SRGAP2B: variants seen among roughly 807,000 people sequenced by gnomAD.
SRGAP2B encodes SLIT-ROBO Rho GTPase-activating protein 2B.
In SRGAP2B, 9 loss-of-function variants were observed where a neutral mutation model predicts 22.2. That is an observed-to-expected ratio of 0.41 (90% CI 0.24 to 0.71). The LOEUF (loss-of-function observed/expected upper bound fraction) is 0.71. Among genes scored for constraint, SRGAP2B ranks in the 30% least tolerant of loss-of-function variants. The pLI, the probability that SRGAP2B is intolerant of heterozygous loss-of-function variation, is 0.35. For missense variants in SRGAP2B, 114 were observed against 235.8 expected, an observed-to-expected ratio of 0.48 and a Z score of 3.38; for synonymous variants, 36 against 87.4, an observed-to-expected ratio of 0.41 and a Z score of 3.28.
At chr1:144,906,171 T>C in intron 5 of SRGAP2B, 97 bp from the exon 6 acceptor site, 1 of 667,256 alleles carries the variant, frequency 1.5e-6, no homozygotes. Context: ...CTCTCCCCCA[T>C]GAAGCAATAT....
intron 2 of SRGAP2B, among the ~76,000 whole-genome samples, chr1:145,006,725 A>G (rs1453478560): frequency 2.7e-5 from 4 of 150,924 alleles, no homozygotes; most frequent in Admixed American, 6.6e-5. Flanking sequence ...TGTCCCCACA[A>G]AAGTTATAGG....
At chr1:144,889,036 C>T (rs1328978965) in exon 10 of SRGAP2B, 3 of 143,264 alleles carry the variant, frequency 2.1e-5, no homozygotes, top group Non-Finnish European at 4.5e-5. Flanking sequence ...CTCACTACAA[C>T]CTATGCCTCC....
chr1:144,966,466 T>G (rs1378574670), intron 3 of SRGAP2B, among the ~76,000 whole-genome samples: 2 of 147,352 alleles, frequency 1.4e-5, no homozygotes, highest in Non-Finnish European at 2.9e-5. Context: ...CCACCAGGCC[T>G]GCCCTAAAAG....
chr1:145,063,065 C>T lies in SRGAP2B; in HGVS notation c.67+29770G>A, dbSNP rs1358505771. Among the ~76,000 whole-genome samples, 16 of 149,310 alleles carry T rather than the reference C, an allele frequency of 1.1e-4. 2 individuals are homozygous for T. The highest frequency in any genetic ancestry group is 4.1e-4 in the African/African-American group (16 of 39,484). On this transcript the variant is annotated intron_variant, in intron 2 of 9. Coordinates refer to ENST00000612199, the Ensembl canonical transcript of SRGAP2B. ...CCCCTGAAAATTAAATTGATTCTTA[C>T]AGAATGGTACCCAAATGTGTGATTT... is the stretch of plus-strand genomic sequence containing the variant.
chr1:144,941,254 T>TA (rs1301015893), intron 4 of SRGAP2B, among the ~76,000 whole-genome samples: 16 of 142,922 alleles, frequency 1.1e-4, no homozygotes, highest in African/African-American at 3.8e-4. Flanking sequence ...AAAACTGAAA[T>TA]AAAAAATAGA....
intron 3 of SRGAP2B, among the ~76,000 whole-genome samples, chr1:144,973,344 GT>G (rs1187302983): frequency 1.6e-5 from 2 of 128,530 alleles, no homozygotes; most frequent in Non-Finnish European, 3.2e-5. Context: ...TTTGAGAATC[GT>G]TTTTTTCTTT....
chr1:144,939,718 T>C (rs1416497533), intron 4 of SRGAP2B, among the ~76,000 whole-genome samples: 3 of 149,186 alleles, frequency 2.0e-5, no homozygotes, highest in Admixed American at 6.7e-5. Context: ...CCCTGAAAGC[T>C]CAGGTAGACT....
At position 145,061,993 on chromosome 1, in the gene SRGAP2B, C is replaced by A. The variant is rs199490479; in HGVS notation, c.67+30842G>T. Among the ~76,000 whole-genome samples the A allele has an allele frequency of 9.9e-5, 11 of 111,028 alleles. No homozygotes were observed. In the East Asian group the frequency reaches 1.0e-3, roughly 11 times the overall value. 72.8% of individuals were successfully genotyped at this position (111,028 alleles called of 152,430 possible). A position where few individuals can be genotyped will look rare whatever the true frequency, so the allele number is the denominator to read the frequency against. ...TTAAAATAAATAAAATGCTTGAGAA[C>A]AGTTTTGTCTTCGTTTTTAAAGACT... On this transcript the variant is annotated intron_variant, in intron 2 of 9. Transcript: ENST00000612199.
At chr1:144,916,209 T>A (rs1357176095) in intron 4 of SRGAP2B, among the ~76,000 whole-genome samples, 1 of 145,182 alleles carries the variant, frequency 6.9e-6, no homozygotes, top group Non-Finnish European at 1.5e-5. Flanking sequence ...TTGTTATGTA[T>A]TTTTCTAATC....
rs1190128832 is a variant in SRGAP2B at position 144,941,181 on chromosome 1, CT to C, written c.423+14257del. ...TAGCCTTAACTGAAGCTCAGTATTACTTTAACAATTGAAAAAACCCTAAGCT... is the reference window on the plus strand; with the variant it reads ...TAGCCTTAACTGAAGCTCAGTATTACTTAACAATTGAAAAAACCCTAAGCT... On this transcript the variant is annotated intron_variant, in intron 4 of 9. Transcript: ENST00000612199. Among the ~76,000 whole-genome samples, 10 of 142,374 alleles carry C rather than the reference CT, an allele frequency of 7.0e-5. No individual in the cohort carries two copies. In the Admixed American group the frequency reaches 7.1e-4, roughly 10 times the overall value. The allele number at this position is 142,374 out of a possible 152,430, so 93.4% of individuals were successfully genotyped here. A position where few individuals can be genotyped will look rare whatever the true frequency, so the allele number is the denominator to read the frequency against.
chr1:144,948,218 G>GT (rs1348698573), intron 4 of SRGAP2B, among the ~76,000 whole-genome samples: 1 of 148,706 alleles, frequency 6.7e-6, no homozygotes, highest in African/African-American at 2.6e-5. Flanking sequence ...GATCAGATTT[G>GT]TTTTTTCTAA....
At chr1:145,044,703 GAAAAAGCAAGA>G (rs1649573693) in intron 2 of SRGAP2B, among the ~76,000 whole-genome samples, 2 of 61,266 alleles carry the variant, frequency 3.3e-5, no homozygotes, top group Non-Finnish European at 6.3e-5. Flanking sequence ...AAAAAAAACA[GAAAAAGCAAGA>G]CAAGACAGAA....
At chr1:144,951,343 A>T (rs1666856496) in intron 4 of SRGAP2B, among the ~76,000 whole-genome samples, 1 of 135,220 alleles carries the variant, frequency 7.4e-6, no homozygotes, top group Non-Finnish European at 1.6e-5. Flanking sequence ...TGCCTAGCTA[A>T]TTTTTTTTAA....
intron 4 of SRGAP2B, among the ~76,000 whole-genome samples, chr1:144,926,965 T>A (rs1664780137): frequency 6.6e-6 from 1 of 151,942 alleles, no homozygotes; most frequent in Non-Finnish European, 1.5e-5. Flanking sequence ...TTTCTTTTTT[T>A]TGGAGACGGA....
At chr1:144,970,970 G>A (rs1350537549) in intron 3 of SRGAP2B, among the ~76,000 whole-genome samples, 2 of 149,718 alleles carry the variant, frequency 1.3e-5, no homozygotes, top group Non-Finnish European at 2.9e-5. Flanking sequence ...TTATAATTAT[G>A]ACAACTATCA....
chr1:144,975,868 CTTTT>C (rs56268353), intron 3 of SRGAP2B, among the ~76,000 whole-genome samples: 9 of 27,334 alleles, frequency 3.3e-4, no homozygotes, highest in African/African-American at 1.9e-3. Context: ...GTTAGTAATT[CTTTT>C]TTTTTTTTTT....
At chr1:144,990,818 A>G (rs1245685150) in intron 3 of SRGAP2B, among the ~76,000 whole-genome samples, 2 of 151,254 alleles carry the variant, frequency 1.3e-5, no homozygotes, top group African/African-American at 2.5e-5. Flanking sequence ...GGGTGTACTG[A>G]GTCCCCCAGC....
chr1:144,909,888 G>C (rs1663291208), intron 5 of SRGAP2B, among the ~76,000 whole-genome samples: 2 of 149,698 alleles, frequency 1.3e-5, no homozygotes, highest in Non-Finnish European at 2.9e-5. Flanking sequence ...TACTAAAGTT[G>C]GGGCTTCCAC....
chr1:144,975,434 A>C (rs1668825724), intron 3 of SRGAP2B, among the ~76,000 whole-genome samples: 1 of 148,742 alleles, frequency 6.7e-6, no homozygotes, highest in African/African-American at 2.6e-5. Context: ...CATGAATAAG[A>C]TTAATATTCT....
Sources: allele counts gnomAD v4.1 joint callset (sites outside exome capture counted in the v4.1 genomes callset), GRCh38; gene constraint gnomAD v4.1.1; transcripts MANE v1.5; gene names NCBI Gene and HGNC (gene_info 2026-07-23, HGNC 2026-07-21).